The following PTPRD variants were observed in gnomAD, a reference collection of about 807,000 sequenced individuals.
PTPRD encodes protein tyrosine phosphatase receptor type D.
PTPRD carries 34 observed loss-of-function variants against 214.5 expected under a neutral mutation model. The ratio of observed to expected loss-of-function variants is 0.16; its 90% CI spans 0.12 to 0.21. PTPRD has a LOEUF of 0.21. Ranked by LOEUF, PTPRD falls within the 10% of genes least tolerant of loss-of-function variation. The probability of loss-of-function intolerance (pLI) is 1.00; values close to 1 mark genes in which losing one functional copy is unlikely to be tolerated. For synonymous variants in PTPRD, 1,128 were observed against 845.7 expected (o/e 1.33, Z -5.79); for missense variants, 2,545 against 2,398.7 (o/e 1.06, Z -1.27).
At chr9:8,902,902 AAT>A (rs2098681536) in intron 11 of PTPRD, among the ~76,000 whole-genome samples, 6 of 152,186 alleles carry the variant, frequency 3.9e-5, no homozygotes, top group Admixed American at 3.9e-4. Context: ...TCAGAAGGTT[AAT>A]AGTAGTAATG....
At chr9:10,132,669 A>G (rs1468015498) in intron 3 of PTPRD, among the ~76,000 whole-genome samples, 1 of 152,212 alleles carries the variant, frequency 6.6e-6, no homozygotes, top group Non-Finnish European at 1.5e-5. Context: ...AAAAAAGTAG[A>G]GAACAGAAGA....
At chr9:9,063,786 G>T (rs1266539239) in intron 10 of PTPRD, among the ~76,000 whole-genome samples, 1 of 152,148 alleles carries the variant, frequency 6.6e-6, no homozygotes, top group Non-Finnish European at 1.5e-5. Flanking sequence ...TGAAAGAAAA[G>T]GTGTGCTGGA....
chr9:10,443,643 A>T (rs2154524091), intron 2 of PTPRD, among the ~76,000 whole-genome samples: 1 of 151,762 alleles, frequency 6.6e-6, no homozygotes, highest in East Asian at 1.9e-4. Flanking sequence ...ATGCAGATAG[A>T]CATTCTCATA....
intron 9 of PTPRD, among the ~76,000 whole-genome samples, chr9:9,308,414 C>T (rs1957815671): frequency 6.6e-6 from 1 of 152,112 alleles, no homozygotes; most frequent in South Asian, 2.1e-4. Flanking sequence ...CTTTGGATGG[C>T]CAAAATACTA....
intron 2 of PTPRD, among the ~76,000 whole-genome samples, chr9:10,527,836 C>A (rs1282370577): frequency 6.6e-6 from 1 of 151,994 alleles, no homozygotes; most frequent in African/African-American, 2.4e-5. Flanking sequence ...CTGCCTAGTT[C>A]AAGATAATAG....
chr9:8,553,488 C>T (rs1258320571), intron 14 of PTPRD, among the ~76,000 whole-genome samples: 2 of 152,100 alleles, frequency 1.3e-5, no homozygotes, highest in African/African-American at 2.4e-5. Flanking sequence ...TTAAATCAAT[C>T]CTTTATTTAT....
intron 2 of PTPRD, among the ~76,000 whole-genome samples, chr9:10,593,730 GT>G (rs2076029460): frequency 6.6e-6 from 1 of 151,874 alleles, no homozygotes; most frequent in African/African-American, 2.4e-5. Context: ...CCAGAGAAAT[GT>G]TAATGAATGA....
At chr9:10,570,375 C>G (rs1414165382) in intron 2 of PTPRD, among the ~76,000 whole-genome samples, 1 of 152,044 alleles carries the variant, frequency 6.6e-6, no homozygotes, top group Admixed American at 6.6e-5. Context: ...GCTGAAATTG[C>G]CAAACAAGAT....
intron 9 of PTPRD, among the ~76,000 whole-genome samples, chr9:9,187,894 G>A (rs1036274332): frequency 6.6e-6 from 1 of 151,524 alleles, no homozygotes; most frequent in Non-Finnish European, 1.5e-5. Flanking sequence ...GAGTCCTTTT[G>A]TCTCAACTAA....
intron 9 of PTPRD, among the ~76,000 whole-genome samples, chr9:9,228,654 G>A (rs571566991): frequency 1.3e-5 from 2 of 151,980 alleles, no homozygotes; most frequent in South Asian, 4.1e-4. Flanking sequence ...CACTGTTTCT[G>A]TTCCTGCATT....
intron 3 of PTPRD, among the ~76,000 whole-genome samples, chr9:10,083,494 C>T (rs991456133): frequency 1.3e-5 from 2 of 151,986 alleles, no homozygotes; most frequent in Non-Finnish European, 2.9e-5. Flanking sequence ...AGTTAGTGAG[C>T]TAATTTTTAT....
intron 4 of PTPRD, among the ~76,000 whole-genome samples, chr9:10,025,664 T>G (rs1213836209): frequency 6.6e-6 from 1 of 152,130 alleles, no homozygotes; most frequent in African/African-American, 2.4e-5. Flanking sequence ...TTTAAAAAAT[T>G]AGATAACCTT....
At chr9:9,713,327 A>C (rs548932625) in intron 7 of PTPRD, among the ~76,000 whole-genome samples, 8 of 152,288 alleles carry the variant, frequency 5.3e-5, no homozygotes, top group South Asian at 2.1e-4. Flanking sequence ...GAATATTTCT[A>C]ATGAGTTAGG....
At chr9:8,815,839 T>G (rs2096908814) in intron 11 of PTPRD, among the ~76,000 whole-genome samples, 1 of 152,134 alleles carries the variant, frequency 6.6e-6, no homozygotes, top group South Asian at 2.1e-4. Flanking sequence ...TGCGGCTGAT[T>G]AGAAAAATGG....
chr9:8,755,638 C>G (rs2093937000), intron 11 of PTPRD, among the ~76,000 whole-genome samples: 1 of 151,826 alleles, frequency 6.6e-6, no homozygotes, highest in South Asian at 2.1e-4. Context: ...TACTTGTTTA[C>G]AGCAATCAAA....
At chr9:10,040,349 C>T (rs184419260) in intron 3 of PTPRD, among the ~76,000 whole-genome samples, 1 of 151,992 alleles carries the variant, frequency 6.6e-6, no homozygotes, top group Non-Finnish European at 1.5e-5. Context: ...AACAATCGGT[C>T]GAAACATTTT....
intron 3 of PTPRD, among the ~76,000 whole-genome samples, chr9:10,293,720 A>T (rs2095596090): frequency 1.3e-5 from 2 of 151,962 alleles, no homozygotes; most frequent in Admixed American, 1.3e-4. Flanking sequence ...CTGTTAAGTT[A>T]TACTCCTTGG....
chr9:8,779,260 T>C (rs1388174139), intron 11 of PTPRD, among the ~76,000 whole-genome samples: 1 of 152,202 alleles, frequency 6.6e-6, no homozygotes, highest in East Asian at 1.9e-4. Context: ...CCATTTTAAT[T>C]CATTCTCCCT....
At chr9:9,981,122 T>A (rs1035523468) in intron 4 of PTPRD, among the ~76,000 whole-genome samples, 22 of 152,150 alleles carry the variant, frequency 1.4e-4, no homozygotes, top group African/African-American at 5.3e-4. Context: ...AGTGGAGGAA[T>A]TCGTAGCAAA....
Sources: allele counts gnomAD v4.1 joint callset (sites outside exome capture counted in the v4.1 genomes callset), GRCh38; gene constraint gnomAD v4.1.1; transcripts MANE v1.5; gene names NCBI Gene and HGNC (gene_info 2026-07-23, HGNC 2026-07-21).